NEGR1: variants seen among roughly 807,000 people sequenced by gnomAD.
NEGR1 encodes the protein neuronal growth regulator 1, also known as IgLON family member 4.
A neutral mutation model predicts 40.9 loss-of-function variants in NEGR1; 10 were observed. That is an observed-to-expected ratio of 0.24 (90% CI 0.15 to 0.42). The LOEUF (loss-of-function observed/expected upper bound fraction) is 0.42. Among genes scored for constraint, NEGR1 ranks in the 10% least tolerant of loss-of-function variants. NEGR1 has a pLI of 1.00. For synonymous variants in NEGR1, 185 were observed against 166.8 expected (o/e 1.11, Z -0.84); for missense variants, 352 against 438.9 (o/e 0.80, Z 1.77).
intron 3 of NEGR1, 57 bp from the exon 4 acceptor site, chr1:71,698,196 A>G: frequency 6.6e-7 from 1 of 1,516,112 alleles, no homozygotes; most frequent in Non-Finnish European, 9.0e-7. Context: ...CATTCAAGTA[A>G]AACAACAATT....
rs939229547 is a variant in NEGR1, at chr1:71,762,941, C to A, written c.535+13231G>T. 2.0e-5 allele frequency among the ~76,000 whole-genome samples: 3 copies of A among 151,176 alleles called. No homozygotes were observed. In the East Asian group the frequency reaches 5.8e-4, roughly 29 times the overall value. On this transcript the variant is annotated intron_variant, in intron 3 of 6. Transcript: ENST00000357731. ...CAGTTGACCTGCCATAAAAGAATTG[C>A]CAGAAAAAGTTCTGAACATAGAAAT...
At chr1:72,250,833 C>G (rs985491421) in intron 1 of NEGR1, among the ~76,000 whole-genome samples, 1 of 152,128 alleles carries the variant, frequency 6.6e-6, no homozygotes, top group Non-Finnish European at 1.5e-5. Context: ...AGCAGCAATC[C>G]GCAATAGGGC....
intron 1 of NEGR1, among the ~76,000 whole-genome samples, chr1:72,255,945 T>G (rs1655259523): frequency 6.6e-6 from 1 of 152,204 alleles, no homozygotes; most frequent in South Asian, 2.1e-4. Flanking sequence ...GATATTGAAG[T>G]CCCAATCTAG....
Position 71,771,898 on chromosome 1 carries a change from C to A in NEGR1, c.535+4274G>T, listed in dbSNP as rs140210741. On this transcript the variant is annotated intron_variant, in intron 3 of 6. Transcript: ENST00000357731. ...TGAAGGCTGAGTGCAAAAGAATCAT[C>A]AATAATGTCAAATCTAAGGGCAGAG... Among the ~76,000 whole-genome samples, 428 of 151,936 alleles carry A rather than the reference C, an allele frequency of 2.8e-3. 1 individual carries two copies. The highest frequency in any genetic ancestry group is 1.0e-2 in the African/African-American group (413 of 41,460).
intron 1 of NEGR1, among the ~76,000 whole-genome samples, chr1:71,970,594 C>G (rs180758702): frequency 1.4e-4 from 21 of 152,046 alleles, no homozygotes; most frequent in Non-Finnish European, 2.4e-4. Flanking sequence ...CCTTGGGAGG[C>G]CGAGGGAGTA....
intron 1 of NEGR1, among the ~76,000 whole-genome samples, chr1:72,024,015 T>C (rs974452039): frequency 1.3e-5 from 2 of 152,088 alleles, no homozygotes; most frequent in Non-Finnish European, 2.9e-5. Context: ...AAGCATTATA[T>C]AAGCTATCAT....
intron 6 of NEGR1, among the ~76,000 whole-genome samples, chr1:71,566,697 G>T (rs1192477488): frequency 6.6e-6 from 1 of 152,140 alleles, no homozygotes; most frequent in Non-Finnish European, 1.5e-5. Flanking sequence ...TCTCATTTCT[G>T]ATCATGTCAT....
At chr1:71,441,039 T>C (rs549366893) in intron 6 of NEGR1, among the ~76,000 whole-genome samples, 1 of 152,224 alleles carries the variant, frequency 6.6e-6, no homozygotes, top group Non-Finnish European at 1.5e-5. Context: ...AGGTGAGGCT[T>C]TTGGTAGTGA....
chr1:71,757,845 T>C lies in NEGR1; in HGVS notation c.535+18327A>G, dbSNP rs1384283601. On this transcript the variant is annotated intron_variant, in intron 3 of 6. Coordinates refer to ENST00000357731, the MANE Select transcript of NEGR1 (RefSeq NM_173808.3). The stretch of plus-strand genomic sequence containing the variant: ...CTTGCATTTACCTGATTTTATCACA[T>C]AAGAACACAGTATTCATCACGATCT... 2.0e-5 allele frequency among the ~76,000 whole-genome samples: 3 copies of C among 152,244 alleles called. No individual in the cohort carries two copies. The East Asian group carries it at 5.8e-4, about 29-fold the overall frequency.
At chr1:72,120,372 GCTAA>G (rs1649751305) in intron 1 of NEGR1, among the ~76,000 whole-genome samples, 1 of 151,810 alleles carries the variant, frequency 6.6e-6, no homozygotes, top group African/African-American at 2.4e-5. Context: ...GAAGAGTATA[GCTAA>G]AAAAGAAAAC....
intron 4 of NEGR1, among the ~76,000 whole-genome samples, chr1:71,621,347 A>C (rs1464989083): frequency 6.6e-6 from 1 of 151,862 alleles, no homozygotes; most frequent in African/African-American, 2.4e-5. Flanking sequence ...AAATGTGAAA[A>C]GTGTATGTAA....
intron 1 of NEGR1, among the ~76,000 whole-genome samples, chr1:72,078,094 GT>G (rs1327905286): frequency 1.3e-5 from 2 of 152,114 alleles, no homozygotes; most frequent in Non-Finnish European, 1.5e-5. Flanking sequence ...TTCTGATATT[GT>G]TGTCCATTAG....
chr1:72,004,841 CT>C (rs747361764), intron 1 of NEGR1, among the ~76,000 whole-genome samples: 2 of 152,006 alleles, frequency 1.3e-5, no homozygotes, highest in African/African-American at 4.8e-5. Flanking sequence ...CTTCATTAGC[CT>C]GAAAACTCAC....
At chr1:71,820,712 C>T (rs1658400847) in intron 2 of NEGR1, among the ~76,000 whole-genome samples, 1 of 151,930 alleles carries the variant, frequency 6.6e-6, no homozygotes, top group Non-Finnish European at 1.5e-5. Flanking sequence ...AGAGCTATCA[C>T]ACAGCATGAG....
intron 1 of NEGR1, among the ~76,000 whole-genome samples, chr1:72,035,651 A>C (rs975262421): frequency 6.6e-6 from 1 of 152,180 alleles, no homozygotes; most frequent in African/African-American, 2.4e-5. Context: ...TGGGTGAAGC[A>C]TACTCAGAAA....
intron 2 of NEGR1, among the ~76,000 whole-genome samples, chr1:71,874,850 T>C (rs930796754): frequency 6.6e-6 from 1 of 152,068 alleles, no homozygotes; most frequent in African/African-American, 2.4e-5. Flanking sequence ...TTTTTCTTTT[T>C]CTTTTCTTTT....
chr1:72,248,819 G>A (rs958691139), intron 1 of NEGR1, among the ~76,000 whole-genome samples: 1 of 151,834 alleles, frequency 6.6e-6, no homozygotes, highest in Non-Finnish European at 1.5e-5. Context: ...CTGACCTCAG[G>A]TGATCCACCC....
chr1:71,507,045 A>T (rs1183823367), intron 6 of NEGR1, among the ~76,000 whole-genome samples: 4 of 152,218 alleles, frequency 2.6e-5, no homozygotes. Flanking sequence ...TCTAATAAAT[A>T]GGAGGGGAAA....
chr1:71,689,963 G>A (rs1315493757), intron 4 of NEGR1, among the ~76,000 whole-genome samples: 1 of 151,892 alleles, frequency 6.6e-6, no homozygotes, highest in Non-Finnish European at 1.5e-5. Context: ...AGAAAGAAAT[G>A]AGTGAAGACA....
Sources: allele counts gnomAD v4.1 joint callset (sites outside exome capture counted in the v4.1 genomes callset), GRCh38; gene constraint gnomAD v4.1.1; transcripts MANE v1.5; gene names NCBI Gene and HGNC (gene_info 2026-07-23, HGNC 2026-07-21).